The following MFAP5 variants were observed in gnomAD, a reference collection of about 807,000 sequenced individuals.
The protein encoded by MFAP5 is microfibril associated protein 5.
In MFAP5, 19 loss-of-function variants were observed where a neutral mutation model predicts 30.1. That is an observed-to-expected ratio of 0.63 (90% CI 0.44 to 0.93). The LOEUF is 0.93. Ranked by LOEUF, MFAP5 falls within the 40% of genes least tolerant of loss-of-function variation. The pLI is 0.00. For missense variants in MFAP5, 210 were observed against 221.3 expected (o/e 0.95, Z 0.32); for synonymous variants, 92 against 72.9 (o/e 1.26, Z -1.33).
chr12:8,655,852 A>G (rs1402335161), intron 3 of MFAP5, 22 bp from the exon 4 acceptor site: 2 of 1,601,972 alleles, frequency 1.2e-6, no homozygotes, highest in African/African-American at 2.7e-5. Flanking sequence ...ATTAGAAAAC[A>G]ATTTCTGAGA....
chr12:8,661,555 T>G (rs1379999133), intron 2 of MFAP5, among the ~76,000 whole-genome samples: 1 of 151,910 alleles, frequency 6.6e-6, no homozygotes, highest in Non-Finnish European at 1.5e-5. Flanking sequence ...TTTTCCTTTT[T>G]TTTTTTAATG....
At chr12:8,650,985 G>A (rs1591566165) in intron 7 of MFAP5, among the ~76,000 whole-genome samples, 1 of 152,180 alleles carries the variant, frequency 6.6e-6, no homozygotes, top group East Asian at 1.9e-4. Context: ...TGGCCAACAA[G>A]GTAAAACCCC....
intron 6 of MFAP5, among the ~76,000 whole-genome samples, chr12:8,653,192 C>CAA (rs71451973): frequency 0.088 from 9,732 of 110,838 alleles, 394 homozygotes; most frequent in Middle Eastern, 0.14. Flanking sequence ...GACTCTGTGT[C>CAA]AAAAAAAAAA....
rs1941705465 is a variant in MFAP5, at chr12:8,647,263, T to C, written c.*828A>G. ...AAGGAAACGTCAACCAATGGTATGA[T>C]TTCACATTAAGTTGTCTAATTTGCT... On this transcript the variant is annotated 3_prime_UTR_variant, in exon 10 of 10. Coordinates refer to ENST00000359478, the MANE Select transcript of MFAP5 (RefSeq NM_003480.4). The C allele has an allele frequency of 6.6e-6, 1 of 152,236 alleles. No individual in the cohort carries two copies. Among genetic ancestry groups the C allele is most frequent in the South Asian group, 2.1e-4 (1 of 4,836 alleles). 9.4% of individuals were successfully genotyped at this position (152,236 alleles called of 1,614,324 possible).
intron 2 of MFAP5, among the ~76,000 whole-genome samples, chr12:8,661,135 GA>G (rs976442400): frequency 2.0e-5 from 3 of 151,808 alleles, no homozygotes; most frequent in Admixed American, 6.6e-5. Context: ...TTGGTAAAAA[GA>G]AAAAAAAGAC....
intron 9 of MFAP5, 58 bp downstream of exon 9, chr12:8,649,443 C>T: frequency 6.7e-7 from 1 of 1,483,524 alleles, no homozygotes; most frequent in Non-Finnish European, 9.4e-7. Context: ...AATATCATGT[C>T]CCTATCTACC....
intron 2 of MFAP5, among the ~76,000 whole-genome samples, chr12:8,661,128 G>A (rs1942138675): frequency 6.6e-6 from 1 of 151,906 alleles, no homozygotes; most frequent in African/African-American, 2.4e-5. Context: ...CATTTGTTTG[G>A]TAAAAAGAAA....
At chr12:8,660,953 AC>A in intron 2 of MFAP5, 55 bp from the exon 3 acceptor site, 1 of 1,455,488 alleles carries the variant, frequency 6.9e-7, no homozygotes, top group Non-Finnish European at 9.6e-7. Flanking sequence ...ATACCTCGTA[AC>A]CCTTTTATGA....
At chr12:8,650,805 T>C (rs1358423700) in intron 7 of MFAP5, among the ~76,000 whole-genome samples, 1 of 152,196 alleles carries the variant, frequency 6.6e-6, no homozygotes, top group Non-Finnish European at 1.5e-5. Flanking sequence ...TACTTGGAAG[T>C]AGAAGTGGAT....
rs1250193946 is a variant in MFAP5 at position 8,646,392 on chromosome 12, C to T, written c.*1699G>A. ...TTGTCTCCTAGCTCCTATTTGAATT[C>T]CATTGGCTTTTATAGAAAGTTATTG... On this transcript the variant is annotated 3_prime_UTR_variant, in exon 10 of 10. Transcript: ENST00000359478. The T allele has an allele frequency of 6.6e-6, 1 of 152,080 alleles. No homozygotes were observed. The highest frequency in any genetic ancestry group is 6.6e-5 in the Admixed American group (1 of 15,260). 9.4% of individuals were successfully genotyped at this position (152,080 alleles called of 1,614,324 possible).
In MFAP5 at chr12:8,647,935, T is replaced by G. The variant is rs577204730; in HGVS notation, c.*156A>C. The G allele has an allele frequency of 8.8e-5, 47 of 531,222 alleles. No individual in the cohort carries two copies. The South Asian group carries it at 1.3e-3, about 15-fold the overall frequency. 32.9% of individuals were successfully genotyped at this position (531,222 alleles called of 1,614,324 possible). Reference sequence around the variant, plus strand: ...GAAAATGAGATAAATGTTATCAGTTTGGGTGAAAAAGTAGAGAGTAGGGGT... The same window carrying G: ...GAAAATGAGATAAATGTTATCAGTTGGGGTGAAAAAGTAGAGAGTAGGGGT... On this transcript the variant is annotated 3_prime_UTR_variant, in exon 10 of 10. Coordinates refer to ENST00000359478, the MANE Select transcript of MFAP5 (RefSeq NM_003480.4).
rs945695157 is a variant in MFAP5, at chr12:8,662,745, G to C, written c.-121C>G. 6.6e-6 allele frequency: 1 copy of C among 152,348 alleles called. No individual in the cohort carries two copies. The highest frequency in any genetic ancestry group is 2.4e-5 in the African/African-American group (1 of 41,438). 9.4% of individuals were successfully genotyped at this position (152,348 alleles called of 1,614,324 possible). A position where few individuals can be genotyped will look rare whatever the true frequency, so the allele number is the denominator to read the frequency against. On this transcript the variant is annotated 5_prime_UTR_variant, in exon 1 of 10. Transcript: ENST00000359478. The stretch of plus-strand genomic sequence containing the variant: ...ATGAACAGAGCCACTCCCTGGAAAG[G>C]ACTTCAGATTTGGCCTCCGCTGAAA...
intron 1 of MFAP5, 59 bp from the exon 2 acceptor site, chr12:8,662,165 G>A: frequency 1.4e-6 from 2 of 1,480,062 alleles, no homozygotes; most frequent in Non-Finnish European, 1.9e-6. Flanking sequence ...CAGCATTTCA[G>A]TGCCAGGGAA....
chr12:8,652,196 G>A (rs1317256664), intron 6 of MFAP5, among the ~76,000 whole-genome samples: 2 of 152,144 alleles, frequency 1.3e-5, no homozygotes, highest in Non-Finnish European at 2.9e-5. Context: ...TGTAATCCCA[G>A]CACTTTGGGA....
rs200901660 is a variant in MFAP5, at chr12:8,651,623, A to G, written c.247+39T>C. On this transcript the variant is annotated intron_variant, in intron 7 of 9. Transcript: ENST00000359478. ...AAGGAGGTAAGGAATCCACAGGAAG[A>G]AAAAAAGGCTTAAGAAGGCATGCAA... 2.8e-4 allele frequency: 449 copies of G among 1,598,702 alleles called. 4 individuals carry two copies. The South Asian group carries it at 4.6e-3, about 16-fold the overall frequency.
chr12:8,651,030 G>A (rs1941824389), intron 7 of MFAP5, among the ~76,000 whole-genome samples: 1 of 152,068 alleles, frequency 6.6e-6, no homozygotes, highest in Admixed American at 6.6e-5. Flanking sequence ...AGCCAGGAGT[G>A]GTGGCAGTTG....
chr12:8,646,567 G>A lies in MFAP5; in HGVS notation c.*1524C>T, dbSNP rs912148522. ...ACTGTATCTAAGCTTCAAGAAATATGAATAATGCATTTAAATCCAGAGAAT... is the reference window on the plus strand; with the variant it reads ...ACTGTATCTAAGCTTCAAGAAATATAAATAATGCATTTAAATCCAGAGAAT... On this transcript the variant is annotated 3_prime_UTR_variant, in exon 10 of 10. Transcript: ENST00000359478. 6 of 151,878 alleles carry A rather than the reference G, an allele frequency of 4.0e-5. No homozygotes were observed. The highest frequency in any genetic ancestry group is 1.5e-4 in the African/African-American group (6 of 41,350). The allele number at this position is 151,878 out of a possible 1,614,324, so 9.4% of individuals were successfully genotyped here.
At chr12:8,654,672 G>A (rs991237706) in intron 5 of MFAP5, among the ~76,000 whole-genome samples, 191 bp from the exon 6 acceptor site, 6 of 152,144 alleles carry the variant, frequency 3.9e-5, no homozygotes, top group South Asian at 2.1e-4. Flanking sequence ...TGGGTGGGGC[G>A]CAGTGGCTCG....
intron 3 of MFAP5, among the ~76,000 whole-genome samples, chr12:8,657,015 C>T (rs1942021184): frequency 1.3e-5 from 2 of 152,110 alleles, no homozygotes; most frequent in Non-Finnish European, 2.9e-5. Flanking sequence ...ATTTCAGGTG[C>T]TCTTATTATA....
Sources: allele counts gnomAD v4.1 joint callset (sites outside exome capture counted in the v4.1 genomes callset), GRCh38; gene constraint gnomAD v4.1.1; transcripts MANE v1.5; gene names NCBI Gene and HGNC (gene_info 2026-07-23, HGNC 2026-07-21).